Variants in CNTNAP2 observed in about 807,000 individuals in gnomAD.
The protein encoded by CNTNAP2 is contactin-associated protein-like 2.
Under a neutral mutation model 155.2 loss-of-function variants are expected in CNTNAP2, and 98 were observed. The observed-to-expected ratio is 0.63, with a 90% CI of 0.54 to 0.75. The LOEUF (loss-of-function observed/expected upper bound fraction) is 0.75. Among genes scored for constraint, CNTNAP2 ranks in the 30% least tolerant of loss-of-function variants. The pLI is 0.00. For missense variants in CNTNAP2, 1,727 were observed against 1,688.1 expected (o/e 1.02, Z -0.40); for synonymous variants, 651 against 631.2 (o/e 1.03, Z -0.47).
chr7:146,520,774 G>A (rs550015161), intron 1 of CNTNAP2, among the ~76,000 whole-genome samples: 6 of 151,992 alleles, frequency 3.9e-5, no homozygotes, highest in East Asian at 3.9e-4. Flanking sequence ...AATCTGGAAA[G>A]CGCTTCTTAA....
At chr7:146,366,114 A>G (rs4725690) in intron 1 of CNTNAP2, among the ~76,000 whole-genome samples, 72,393 of 151,926 alleles carry the variant, frequency 0.48, 20,082 homozygotes, top group African/African-American at 0.77. Context: ...ATATGTATAG[A>G]TATATATACA....
At chr7:147,365,383 G>GAAAAAAAA (rs10557373) in intron 9 of CNTNAP2, among the ~76,000 whole-genome samples, 693 of 93,326 alleles carry the variant, frequency 7.4e-3, no homozygotes, top group East Asian at 0.029. Flanking sequence ...ATCTCAAAAA[G>GAAAAAAAA]AAAAAAAAAA....
intron 13 of CNTNAP2, among the ~76,000 whole-genome samples, chr7:147,809,464 G>A (rs998017383): frequency 1.3e-5 from 2 of 152,240 alleles, no homozygotes; most frequent in Admixed American, 6.5e-5. Context: ...ACTTGCCCAA[G>A]CCCTCTCAGC....
chr7:146,567,404 G>GA (rs1436891682), intron 1 of CNTNAP2, among the ~76,000 whole-genome samples: 4 of 151,992 alleles, frequency 2.6e-5, no homozygotes, highest in Non-Finnish European at 5.9e-5. Context: ...AGTCAGATTT[G>GA]AAAATCAATC....
chr7:146,593,008 G>A (rs902516878), intron 1 of CNTNAP2, among the ~76,000 whole-genome samples: 1 of 151,912 alleles, frequency 6.6e-6, no homozygotes, highest in African/African-American at 2.4e-5. Flanking sequence ...CGTTCTCGGG[G>A]TATGCTTAAG....
chr7:147,975,964 G>T (rs1337953918), intron 14 of CNTNAP2, among the ~76,000 whole-genome samples: 1 of 152,074 alleles, frequency 6.6e-6, no homozygotes, highest in East Asian at 1.9e-4. Flanking sequence ...GACTTTGGGG[G>T]GGTCTTATGT....
At chr7:147,661,722 T>A (rs1224714783) in intron 13 of CNTNAP2, among the ~76,000 whole-genome samples, 1 of 152,004 alleles carries the variant, frequency 6.6e-6, no homozygotes, top group African/African-American at 2.4e-5. Flanking sequence ...CTGGCTAATT[T>A]TTGTATTTTT....
At chr7:147,327,508 G>A (rs374794269) in intron 9 of CNTNAP2, among the ~76,000 whole-genome samples, 28 of 152,004 alleles carry the variant, frequency 1.8e-4, no homozygotes, top group East Asian at 1.3e-3. Flanking sequence ...AACATCTTAC[G>A]TTAAAATTTA....
chr7:146,129,619 T>G (rs1450031325), intron 1 of CNTNAP2, among the ~76,000 whole-genome samples: 1 of 152,180 alleles, frequency 6.6e-6, no homozygotes, highest in African/African-American at 2.4e-5. Context: ...TATCTTCCAG[T>G]TATTTTCTTT....
At chr7:146,423,813 T>C (rs1009574350) in intron 1 of CNTNAP2, among the ~76,000 whole-genome samples, 1 of 152,236 alleles carries the variant, frequency 6.6e-6, no homozygotes, top group Non-Finnish European at 1.5e-5. Context: ...TCTTTTCTTT[T>C]TTAATTTTCA....
chr7:146,426,420 CAT>C (rs1238754552), intron 1 of CNTNAP2, among the ~76,000 whole-genome samples: 3 of 146,678 alleles, frequency 2.0e-5, no homozygotes, highest in South Asian at 2.2e-4. Context: ...CACACACACA[CAT>C]ATACACACAC....
At chr7:148,165,696 A>G (rs1805642177) in intron 17 of CNTNAP2, among the ~76,000 whole-genome samples, 1 of 152,174 alleles carries the variant, frequency 6.6e-6, no homozygotes, top group Non-Finnish European at 1.5e-5. Flanking sequence ...CGGCGAAGCC[A>G]ACACATAGAA....
chr7:147,293,980 A>T (rs1314310668), intron 8 of CNTNAP2, among the ~76,000 whole-genome samples: 2 of 152,274 alleles, frequency 1.3e-5, no homozygotes, highest in African/African-American at 4.8e-5. Context: ...CTTTATATGA[A>T]TATCAGTTTC....
At chr7:146,895,407 T>C (rs964392209) in intron 3 of CNTNAP2, among the ~76,000 whole-genome samples, 2 of 151,316 alleles carry the variant, frequency 1.3e-5, no homozygotes, top group African/African-American at 4.8e-5. Flanking sequence ...TAAAACTAAA[T>C]TTAATCATGA....
intron 10 of CNTNAP2, among the ~76,000 whole-genome samples, chr7:147,431,480 C>T (rs1241193881): frequency 1.3e-5 from 2 of 152,166 alleles, no homozygotes; most frequent in Non-Finnish European, 2.9e-5. Flanking sequence ...CTTGATTTCA[C>T]ACATGTGCCC....
intron 22 of CNTNAP2, among the ~76,000 whole-genome samples, chr7:148,398,628 C>T (rs929536188): frequency 1.1e-4 from 17 of 152,090 alleles, no homozygotes; most frequent in African/African-American, 3.6e-4. Flanking sequence ...AAATAACATG[C>T]GCCTAAGTAT....
intron 13 of CNTNAP2, among the ~76,000 whole-genome samples, chr7:147,683,084 T>G (rs980100975): frequency 3.3e-5 from 5 of 151,946 alleles, no homozygotes; most frequent in Non-Finnish European, 7.4e-5. Context: ...TTAATTCAAC[T>G]GAGTGGACAG....
chr7:146,815,490 G>C (rs956844047), intron 2 of CNTNAP2, among the ~76,000 whole-genome samples: 3 of 151,976 alleles, frequency 2.0e-5, no homozygotes, highest in South Asian at 4.1e-4. Flanking sequence ...TTTAGAAATT[G>C]TGTGTGTGTC....
intron 3 of CNTNAP2, among the ~76,000 whole-genome samples, chr7:146,926,796 G>A (rs1056005746): frequency 3.3e-5 from 5 of 152,012 alleles, no homozygotes; most frequent in African/African-American, 1.2e-4. Context: ...CAAAAAAGTA[G>A]TTTATCTGTA....
Sources: gnomAD v4.1 joint callset for allele counts (sites outside exome capture counted in the v4.1 genomes callset) on GRCh38, gnomAD v4.1.1 for gene constraint, MANE v1.5 for transcripts, NCBI Gene and HGNC (gene_info 2026-07-23, HGNC 2026-07-21) for gene names.